PCDH7: variants seen among roughly 807,000 people sequenced by gnomAD.
PCDH7 encodes the protein protocadherin 7, also known as protocadherin-7.
In PCDH7, 17 loss-of-function variants were observed where a neutral mutation model predicts 58.9. The observed-to-expected ratio is 0.29, with a 90% CI of 0.20 to 0.43. The LOEUF is 0.43. Ranked by LOEUF, PCDH7 falls within the 20% of genes least tolerant of loss-of-function variation. The pLI is 1.00. For synonymous variants in PCDH7, 664 were observed against 616.4 expected, an observed-to-expected ratio of 1.08 and a Z score of -1.14; for missense variants, 1,274 against 1,441.0, an observed-to-expected ratio of 0.88 and a Z score of 1.88.
At chr4:30,854,349 C>A (rs895686533) in intron 1 of PCDH7, among the ~76,000 whole-genome samples, 5 of 149,364 alleles carry the variant, frequency 3.3e-5, no homozygotes, top group African/African-American at 9.9e-5. Context: ...CTATGAAAAT[C>A]AAAAATGTCT....
chr4:30,779,271 C>T (rs1266973619), intron 1 of PCDH7, among the ~76,000 whole-genome samples: 4 of 151,932 alleles, frequency 2.6e-5, no homozygotes, highest in Non-Finnish European at 4.4e-5. Flanking sequence ...GCAATCTGCC[C>T]GCCTCCGCCT....
intron 1 of PCDH7, among the ~76,000 whole-genome samples, chr4:30,805,016 G>A (rs1444932255): frequency 2.6e-5 from 4 of 152,150 alleles, no homozygotes; most frequent in South Asian, 4.2e-4. Context: ...GAATCTAGCT[G>A]TCAATTCTGT....
intron 3 of PCDH7, among the ~76,000 whole-genome samples, chr4:31,015,349 G>A (rs923814824): frequency 6.6e-6 from 1 of 152,138 alleles, no homozygotes; most frequent in Non-Finnish European, 1.5e-5. Context: ...CCTTACAGAG[G>A]TGTACTGTGA....
chr4:30,824,089 T>TTCTTTC (rs1728735296), intron 1 of PCDH7, among the ~76,000 whole-genome samples: 1 of 53,406 alleles, frequency 1.9e-5, no homozygotes. Flanking sequence ...TTTTCTTTCT[T>TTCTTTC]TCTTTCTTTC....
At chr4:31,046,767 T>G (rs1756326521) in intron 3 of PCDH7, among the ~76,000 whole-genome samples, 1 of 152,046 alleles carries the variant, frequency 6.6e-6, no homozygotes, top group Non-Finnish European at 1.5e-5. Context: ...ATAAATTCTT[T>G]TTGTGGAAAT....
intron 1 of PCDH7, among the ~76,000 whole-genome samples, chr4:30,778,868 G>A (rs1312429242): frequency 6.6e-6 from 1 of 152,024 alleles, no homozygotes. Flanking sequence ...CGAATTGAGA[G>A]TGAATACATT....
intron 1 of PCDH7, among the ~76,000 whole-genome samples, chr4:30,758,940 GTTT>G (rs11463767): frequency 1.6e-5 from 2 of 124,232 alleles, no homozygotes; most frequent in African/African-American, 6.1e-5. Flanking sequence ...TTGAAGAAGT[GTTT>G]TTTTTTTTTT....
At chr4:30,761,318 T>G (rs1719990967) in intron 1 of PCDH7, among the ~76,000 whole-genome samples, 1 of 152,166 alleles carries the variant, frequency 6.6e-6, no homozygotes, top group South Asian at 2.1e-4. Context: ...TGGGCTCTTC[T>G]TATGAAAATA....
At chr4:31,103,606 G>T (rs984153684) in intron 3 of PCDH7, among the ~76,000 whole-genome samples, 2 of 152,066 alleles carry the variant, frequency 1.3e-5, no homozygotes, top group African/African-American at 4.8e-5. Context: ...CAAAGTGCTG[G>T]GATTACAAGC....
intron 1 of PCDH7, among the ~76,000 whole-genome samples, chr4:30,873,561 C>T (rs1735894757): frequency 6.6e-6 from 1 of 151,876 alleles, no homozygotes. Flanking sequence ...GATCATCTAG[C>T]TAGTTTCTCA....
At chr4:30,841,380 T>TA (rs1001640423) in intron 1 of PCDH7, among the ~76,000 whole-genome samples, 2 of 152,140 alleles carry the variant, frequency 1.3e-5, no homozygotes, top group Non-Finnish European at 2.9e-5. Context: ...GTTTAGACAT[T>TA]AAAAAATTAA....
intron 3 of PCDH7, among the ~76,000 whole-genome samples, chr4:31,010,009 T>C (rs984415487): frequency 1.3e-5 from 2 of 152,142 alleles, no homozygotes; most frequent in South Asian, 4.1e-4. Context: ...GGAAATGTGT[T>C]CCCTACTGAA....
intron 3 of PCDH7, among the ~76,000 whole-genome samples, chr4:30,984,369 A>G (rs1344811378): frequency 6.6e-6 from 1 of 152,202 alleles, no homozygotes; most frequent in African/African-American, 2.4e-5. Context: ...TATTGTGAGA[A>G]CATATGGAAA....
chr4:30,753,067 A>G (rs1718779604), intron 1 of PCDH7, among the ~76,000 whole-genome samples: 1 of 152,140 alleles, frequency 6.6e-6, no homozygotes, highest in Admixed American at 6.6e-5. Flanking sequence ...AAAATATATT[A>G]ATGAAAGTGA....
intron 1 of PCDH7, among the ~76,000 whole-genome samples, chr4:30,745,827 G>C (rs1470390412): frequency 6.6e-6 from 1 of 151,932 alleles, no homozygotes; most frequent in African/African-American, 2.4e-5. Flanking sequence ...CTTCTAAAGA[G>C]ATATTATTAT....
chr4:31,062,988 T>G (rs970549909), intron 3 of PCDH7, among the ~76,000 whole-genome samples: 1 of 151,870 alleles, frequency 6.6e-6, no homozygotes, highest in African/African-American at 2.4e-5. Flanking sequence ...AGAATATGTG[T>G]GTTTATTACA....
intron 1 of PCDH7, among the ~76,000 whole-genome samples, chr4:30,908,542 G>A (rs1337509186): frequency 4.6e-5 from 7 of 152,014 alleles, no homozygotes; most frequent in African/African-American, 9.7e-5. Flanking sequence ...AGAAGAAACC[G>A]GTAAATTTCT....
chr4:31,077,872 A>G (rs1578733635), intron 3 of PCDH7, among the ~76,000 whole-genome samples: 1 of 152,334 alleles, frequency 6.6e-6, no homozygotes, highest in East Asian at 1.9e-4. Context: ...ACAGAAATCT[A>G]GAGAATCAAA....
intron 3 of PCDH7, among the ~76,000 whole-genome samples, chr4:30,982,241 G>C (rs1327684255): frequency 6.6e-6 from 1 of 152,194 alleles, no homozygotes; most frequent in Non-Finnish European, 1.5e-5. Context: ...CAGGAGCAGT[G>C]TGCCAAGGGG....
Sources: allele counts gnomAD v4.1 joint callset (sites outside exome capture counted in the v4.1 genomes callset), GRCh38; gene constraint gnomAD v4.1.1; transcripts MANE v1.5; gene names NCBI Gene and HGNC (gene_info 2026-07-23, HGNC 2026-07-21).